Variants in TJP3 observed in about 807,000 individuals in gnomAD.
TJP3 encodes the protein tight junction protein ZO-3.
Under a neutral mutation model 104.2 loss-of-function variants are expected in TJP3, and 85 were observed. That is an observed-to-expected ratio of 0.82 (90% CI 0.68 to 0.98). The LOEUF is 0.98. Ranked by LOEUF, TJP3 falls within the 50% of genes least tolerant of loss-of-function variation. The probability of loss-of-function intolerance (pLI) is 0.00; values close to 1 mark genes in which losing one functional copy is unlikely to be tolerated. For missense variants in TJP3, 1,367 were observed against 1,322.8 expected, an observed-to-expected ratio of 1.03 and a Z score of -0.52; for synonymous variants, 550 against 550.6, an observed-to-expected ratio of 1.00 and a Z score of 0.02.
At chr19:3,750,271 C>G in intron 20 of TJP3, 87 bp downstream of exon 20, 2 of 1,555,028 alleles carry the variant, frequency 1.3e-6, no homozygotes, top group Non-Finnish European at 1.8e-6. Flanking sequence ...CCAAGCTATG[C>G]CTTCATGGTG....
intron 15 of TJP3, among the ~76,000 whole-genome samples, chr19:3,745,304 C>T (rs951211932): frequency 2.1e-4 from 32 of 151,794 alleles, no homozygotes; most frequent in Non-Finnish European, 4.7e-4. Flanking sequence ...CGCCACCATG[C>T]CCGGCTAATT....
In TJP3 at chr19:3,730,489, C is replaced by T. The variant is rs758415742; in HGVS notation, c.396C>T (p.Gly132=). 4.4e-5 allele frequency: 70 copies of T among 1,585,060 alleles called. No individual in the cohort carries two copies. Among genetic ancestry groups the T allele is most frequent in the Non-Finnish European group, 4.9e-5 (57 of 1,166,572 alleles). ...EEVDQGRGYD[G]DSSSGSGRSW... ...TGGACCAGGGCCGGGGCTATGACGGCGACTCATCCAGTGGCTCCGGCCGCT... is the reference window on the plus strand; with the variant it reads ...TGGACCAGGGCCGGGGCTATGACGGTGACTCATCCAGTGGCTCCGGCCGCT... Residue 132 remains glycine (G), a synonymous_variant, in exon 5 of 21, where the codon GGC becomes GGT. Coordinates refer to ENST00000541714, the MANE Select transcript of TJP3 (RefSeq NM_001267560.2). This position sits in a 1 kb window ranked among gnomAD's most constrained non-coding sequence, Gnocchi z 7.3.
intron 1 of TJP3, among the ~76,000 whole-genome samples, chr19:3,709,242 C>T (rs908858398): frequency 6.6e-6 from 1 of 152,036 alleles, no homozygotes; most frequent in Admixed American, 6.6e-5. Context: ...ATTACAAGCG[C>T]CCACCACTAT....
chr19:3,722,446 T>A (rs1250472319), intron 1 of TJP3, among the ~76,000 whole-genome samples: 1 of 151,860 alleles, frequency 6.6e-6, no homozygotes, highest in Non-Finnish European at 1.5e-5. Flanking sequence ...TGGTGAACAT[T>A]CACCTCCTAC....
intron 5 of TJP3, among the ~76,000 whole-genome samples, chr19:3,731,651 A>T (rs1256284224): frequency 6.7e-6 from 1 of 149,544 alleles, no homozygotes; most frequent in East Asian, 1.9e-4. Flanking sequence ...ATTAAAAAAT[A>T]AAAAATAAAA....
intron 1 of TJP3, among the ~76,000 whole-genome samples, chr19:3,714,336 C>T (rs1341832573): frequency 1.3e-5 from 2 of 151,634 alleles, no homozygotes; most frequent in East Asian, 2.0e-4. Flanking sequence ...CGTGCCACTA[C>T]GCTTGGCTAA....
At chr19:3,731,622 A>T (rs1259728753) in intron 5 of TJP3, among the ~76,000 whole-genome samples, 1 of 152,066 alleles carries the variant, frequency 6.6e-6, no homozygotes, top group African/African-American at 2.4e-5. Flanking sequence ...GATAGGAGTG[A>T]GACTCCTTCT....
chr19:3,725,424 C>T (rs1033478362), intron 1 of TJP3, among the ~76,000 whole-genome samples: 1 of 152,158 alleles, frequency 6.6e-6, no homozygotes, highest in Admixed American at 6.6e-5. Context: ...AACTGTGCCA[C>T]TTCCTAAGGT....
At position 3,750,192 on chromosome 19, in the gene TJP3, C is replaced by A. The variant is rs2036973188; in HGVS notation, c.2657+8C>A. On this transcript the variant is annotated splice_region_variant and intron_variant, in intron 20 of 20. Coordinates refer to ENST00000541714, the MANE Select transcript of TJP3 (RefSeq NM_001267560.2). ...GCGACAGGACAGCATGCGGTAAGAA[C>A]CCCATATTCCAGATTGGGGCCCTCA... 6.3e-7 allele frequency: 1 copy of A among 1,580,698 alleles called. No homozygotes were observed. Among genetic ancestry groups the A allele is most frequent in the Non-Finnish European group, 8.6e-7 (1 of 1,166,320 alleles).
intron 1 of TJP3, among the ~76,000 whole-genome samples, chr19:3,724,219 G>T (rs1371264330): frequency 6.6e-6 from 1 of 151,260 alleles, no homozygotes; most frequent in Non-Finnish European, 1.5e-5. Flanking sequence ...TTTTTGAGAC[G>T]GAGTTTCCCT....
chr19:3,717,497 G>A (rs1329903719), intron 1 of TJP3, among the ~76,000 whole-genome samples: 3 of 150,434 alleles, frequency 2.0e-5, no homozygotes, highest in African/African-American at 4.9e-5. Flanking sequence ...GTGCAGTGGC[G>A]TGATCTCAGC....
At position 3,748,095 on chromosome 19, in the gene TJP3, G is replaced by T. The variant is rs751862731; in HGVS notation, c.2610+14G>T. 18 of 1,540,064 alleles carry T rather than the reference G, an allele frequency of 1.2e-5. No homozygotes were observed. Among genetic ancestry groups the T allele is most frequent in the African/African-American group, 1.4e-5 (1 of 73,292 alleles). Reference sequence around the variant, plus strand: ...CAGGGGGCCCAGGTGCGTCGGACATGGGGGGCAGGCCTGGGAAGGGTCTCC... The same window carrying T: ...CAGGGGGCCCAGGTGCGTCGGACATTGGGGGCAGGCCTGGGAAGGGTCTCC... On this transcript the variant is annotated intron_variant, in intron 19 of 20. Coordinates refer to ENST00000541714, the MANE Select transcript of TJP3 (RefSeq NM_001267560.2).
chr19:3,717,259 C>T (rs1408364048), intron 1 of TJP3, among the ~76,000 whole-genome samples: 2 of 146,298 alleles, frequency 1.4e-5, no homozygotes, highest in Admixed American at 1.4e-4. Flanking sequence ...GCCACCACGC[C>T]TGGCCCATGA....
At position 3,746,739 on chromosome 19, in the gene TJP3, T is replaced by C. The variant is rs1193130362; in HGVS notation, c.2222-37T>C. On this transcript the variant is annotated intron_variant, in intron 17 of 20. Transcript: ENST00000541714. This position sits in a 1 kb window ranked among gnomAD's most constrained non-coding sequence, Gnocchi z 4.1. ...CAGGGTAGGCGGGTGGGCCCCAGCC[T>C]GAGTCTCCTGCACACACTGACGTCC... 2 of 1,599,576 alleles carry C rather than the reference T, an allele frequency of 1.3e-6. No individual in the cohort carries two copies. The highest frequency in any genetic ancestry group is 1.7e-6 in the Non-Finnish European group (2 of 1,172,978).
At position 3,746,521 on chromosome 19, in the gene TJP3, A is replaced by G; in HGVS notation, c.2047A>G (p.Ile683Val). 1 of 1,613,928 alleles carries G rather than the reference A, an allele frequency of 6.2e-7. No homozygotes were observed. The highest frequency in any genetic ancestry group is 1.1e-5 in the South Asian group (1 of 91,066). Residue 683 changes from isoleucine to valine, a missense_variant, in exon 17 of 21, where the codon ATC becomes GTC. Transcript: ENST00000541714. The surrounding 1 kb of genome is among the most constrained non-coding windows in gnomAD (Gnocchi z 4.1). ...GCTCCTGGATGTGACCCCCTCCGCC[A>G]TCGAGCGCCTCAACTATGTGCAGTA... ...HALLDVTPSA[I>V]ERLNYVQYYP...
chr19:3,732,216 CTA>C (rs1310702577), intron 6 of TJP3, among the ~76,000 whole-genome samples, 178 bp downstream of exon 6: 1 of 152,152 alleles, frequency 6.6e-6, no homozygotes, highest in Non-Finnish European at 1.5e-5. Flanking sequence ...TTTTCCCCAG[CTA>C]CTACTAATCC....
intron 1 of TJP3, among the ~76,000 whole-genome samples, chr19:3,718,476 G>C (rs1326129992): frequency 6.7e-6 from 1 of 149,600 alleles, no homozygotes; most frequent in African/African-American, 2.5e-5. Flanking sequence ...TTGGGGTGGT[G>C]GGGGGCGGGG....
At chr19:3,718,235 G>A (rs1190387567) in intron 1 of TJP3, among the ~76,000 whole-genome samples, 1 of 129,556 alleles carries the variant, frequency 7.7e-6, no homozygotes, top group African/African-American at 2.9e-5. Context: ...GTGTGTGTGT[G>A]TGTGTGTGTG....
chr19:3,713,283 G>C (rs1245183365), intron 1 of TJP3, among the ~76,000 whole-genome samples: 1 of 152,076 alleles, frequency 6.6e-6, no homozygotes, highest in Non-Finnish European at 1.5e-5. Flanking sequence ...CTCCTGCCCC[G>C]TCCTCTCCAC....
Sources: gnomAD v4.1 joint callset for allele counts (sites outside exome capture counted in the v4.1 genomes callset) on GRCh38, gnomAD v4.1.1 for gene constraint, Gnocchi (gnomAD v3.1) non-coding constraint, MANE v1.5 for transcripts, NCBI Gene and HGNC (gene_info 2026-07-23, HGNC 2026-07-21) for gene names.